Variants in DIAPH3 observed in about 807,000 individuals in gnomAD.
DIAPH3 encodes the protein protein diaphanous homolog 3.
In DIAPH3, 117 loss-of-function variants were observed where a neutral mutation model predicts 144.3. That is an observed-to-expected ratio of 0.81 (90% CI 0.70 to 0.95). The LOEUF (loss-of-function observed/expected upper bound fraction) is 0.95. Among genes scored for constraint, DIAPH3 ranks in the 40% least tolerant of loss-of-function variants. The probability of loss-of-function intolerance (pLI) is 0.00; values close to 1 mark genes in which losing one functional copy is unlikely to be tolerated. For missense variants in DIAPH3, 1,421 were observed against 1,412.7 expected, an observed-to-expected ratio of 1.01 and a Z score of -0.09; for synonymous variants, 519 against 488.9, an observed-to-expected ratio of 1.06 and a Z score of -0.81.
chr13:60,077,548 A>AC (rs2057418026), intron 4 of DIAPH3, among the ~76,000 whole-genome samples: 4 of 152,122 alleles, frequency 2.6e-5, no homozygotes, highest in African/African-American at 9.7e-5. Flanking sequence ...AGTTGCCATA[A>AC]GAAAGTATGA....
chr13:59,809,416 CCCTCGAA>C (rs2040356973), intron 25 of DIAPH3, among the ~76,000 whole-genome samples: 1 of 151,694 alleles, frequency 6.6e-6, no homozygotes, highest in African/African-American at 2.4e-5. Flanking sequence ...GCAGGAGAAT[CCCTCGAA>C]CCCAGGAGGC....
chr13:59,950,141 A>G (rs2049025670), intron 17 of DIAPH3, among the ~76,000 whole-genome samples: 1 of 31,572 alleles, frequency 3.2e-5, no homozygotes, highest in South Asian at 8.1e-4. Flanking sequence ...ATAATATTTT[A>G]ATTTATTTAT....
intron 2 of DIAPH3, among the ~76,000 whole-genome samples, chr13:60,117,472 A>G (rs1247991482): frequency 6.6e-6 from 1 of 152,132 alleles, no homozygotes; most frequent in Non-Finnish European, 1.5e-5. Flanking sequence ...ATACTGGAAT[A>G]GCAACTCGAA....
intron 22 of DIAPH3, among the ~76,000 whole-genome samples, chr13:59,846,794 T>C (rs915244108): frequency 6.6e-6 from 1 of 152,150 alleles, no homozygotes; most frequent in Non-Finnish European, 1.5e-5. Context: ...GAAACTGTGC[T>C]GCCGGGTGCA....
intron 1 of DIAPH3, among the ~76,000 whole-genome samples, chr13:60,154,964 G>A (rs1951951613): frequency 6.6e-6 from 1 of 152,098 alleles, no homozygotes; most frequent in Admixed American, 6.5e-5. Flanking sequence ...AAACAAGTTA[G>A]ACACATGTTA....
At chr13:60,045,140 G>A (rs1444734253) in intron 4 of DIAPH3, among the ~76,000 whole-genome samples, 4 of 152,024 alleles carry the variant, frequency 2.6e-5, no homozygotes, top group African/African-American at 4.8e-5. Context: ...GCGGGAGTTC[G>A]AGACCAGCGT....
intron 3 of DIAPH3, among the ~76,000 whole-genome samples, chr13:60,099,132 A>G (rs2058190482): frequency 6.6e-6 from 1 of 152,210 alleles, no homozygotes; most frequent in South Asian, 2.1e-4. Flanking sequence ...TTAGTAATAT[A>G]CATTATGAAT....
chr13:59,711,672 C>T (rs764891736), intron 27 of DIAPH3, among the ~76,000 whole-genome samples: 5 of 152,120 alleles, frequency 3.3e-5, no homozygotes, highest in African/African-American at 1.2e-4. Flanking sequence ...TCCATTATAT[C>T]GATGAGGAAA....
chr13:59,927,163 A>C (rs2047792330), intron 17 of DIAPH3, among the ~76,000 whole-genome samples: 1 of 152,124 alleles, frequency 6.6e-6, no homozygotes, highest in African/African-American at 2.4e-5. Context: ...CTTTTCATTT[A>C]CATACATTAC....
At chr13:59,831,011 G>A (rs1389874960) in intron 24 of DIAPH3, among the ~76,000 whole-genome samples, 1 of 151,790 alleles carries the variant, frequency 6.6e-6, no homozygotes. Context: ...GAAGGCTTTA[G>A]AGAAGATTAT....
intron 4 of DIAPH3, among the ~76,000 whole-genome samples, chr13:60,065,402 T>C (rs1047744656): frequency 9.2e-5 from 14 of 152,118 alleles, no homozygotes; most frequent in African/African-American, 3.4e-4. Flanking sequence ...TCTGATCTTA[T>C]GTTGCACTTA....
intron 27 of DIAPH3, among the ~76,000 whole-genome samples, chr13:59,773,607 G>C (rs1265330470): frequency 6.6e-6 from 1 of 152,170 alleles, no homozygotes; most frequent in African/African-American, 2.4e-5. Flanking sequence ...ACAGAGCAGA[G>C]AGTTCTATGC....
chr13:60,104,502 T>C lies in DIAPH3; in HGVS notation c.390+7508A>G, dbSNP rs530874248. ...GGCCAAATATTCTAACTGGAGAATA[T>C]GGGAAGAGTGTAAACTATCTTAATT... On this transcript the variant is annotated intron_variant, in intron 3 of 27. Transcript: ENST00000400324. Among the ~76,000 whole-genome samples the C allele has an allele frequency of 3.8e-4, 58 of 151,526 alleles. No homozygotes were observed. The South Asian group carries it at 0.011, about 28-fold the overall frequency.
chr13:60,046,562 G>A (rs966344109), intron 4 of DIAPH3, among the ~76,000 whole-genome samples: 1 of 152,170 alleles, frequency 6.6e-6, no homozygotes, highest in Non-Finnish European at 1.5e-5. Context: ...AAGACAGTAT[G>A]GTGATTCCTC....
At chr13:59,815,029 T>A (rs1252266420) in intron 24 of DIAPH3, among the ~76,000 whole-genome samples, 2 of 152,250 alleles carry the variant, frequency 1.3e-5, no homozygotes, top group African/African-American at 4.8e-5. Flanking sequence ...CATTTTTTCA[T>A]TTAAGTCTGA....
intron 17 of DIAPH3, among the ~76,000 whole-genome samples, chr13:59,929,763 G>A (rs2047934400): frequency 6.6e-6 from 1 of 151,030 alleles, no homozygotes; most frequent in Non-Finnish European, 1.5e-5. Context: ...TAGAGACAGG[G>A]TTTCACCATG....
At chr13:60,061,893 A>G (rs761000894) in intron 4 of DIAPH3, among the ~76,000 whole-genome samples, 4 of 152,022 alleles carry the variant, frequency 2.6e-5, no homozygotes, top group Non-Finnish European at 5.9e-5. Context: ...TTTCCAATCC[A>G]GCTATGCACA....
At chr13:60,017,161 T>G (rs1034847393) in intron 5 of DIAPH3, among the ~76,000 whole-genome samples, 5 of 152,100 alleles carry the variant, frequency 3.3e-5, no homozygotes, top group African/African-American at 1.2e-4. Flanking sequence ...CCCAGCACTT[T>G]GGGAGGCAGA....
At chr13:59,942,851 A>T (rs1489711778) in intron 17 of DIAPH3, among the ~76,000 whole-genome samples, 1 of 152,170 alleles carries the variant, frequency 6.6e-6, no homozygotes, top group African/African-American at 2.4e-5. Flanking sequence ...TTCCATGTTC[A>T]TATGTCTAGA....
Sources: allele counts gnomAD v4.1 joint callset (sites outside exome capture counted in the v4.1 genomes callset), GRCh38; gene constraint gnomAD v4.1.1; transcripts MANE v1.5; gene names NCBI Gene and HGNC (gene_info 2026-07-23, HGNC 2026-07-21).